The following KALRN variants were observed in gnomAD, a reference collection of about 807,000 sequenced individuals.
KALRN encodes kalirin RhoGEF kinase, also known as kalirin.
Under a neutral mutation model 353.7 loss-of-function variants are expected in KALRN, and 70 were observed. The ratio of observed to expected loss-of-function variants is 0.20; its 90% confidence interval spans 0.16 to 0.24. The LOEUF (loss-of-function observed/expected upper bound fraction) is 0.24, where lower values mean the gene tolerates loss of function less well. Among genes scored for constraint, KALRN ranks in the 10% least tolerant of loss-of-function variants. KALRN has a pLI of 1.00. For synonymous variants in KALRN, 1,391 were observed against 1,434.8 expected, an observed-to-expected ratio of 0.97 and a Z score of 0.69; for missense variants, 2,791 against 3,756.7, an observed-to-expected ratio of 0.74 and a Z score of 6.72.
chr3:124,246,213 C>T (rs1321646574), intron 3 of KALRN, among the ~76,000 whole-genome samples: 1 of 152,234 alleles, frequency 6.6e-6, no homozygotes, highest in East Asian at 1.9e-4. Context: ...TTTATTTGCT[C>T]ACCATTGCCC....
rs567895063 is a variant in KALRN at position 124,607,772 on chromosome 3, A to G, written c.5183-24648A>G. ...GTTGGGATTATAGACATGTACCACT[A>G]TGCCTGGCTAATTTTGTATTTTTAG... On this transcript the variant is annotated intron_variant, in intron 34 of 59. Coordinates refer to ENST00000682506, the MANE Select transcript of KALRN (RefSeq NM_001388419.1). Among the ~76,000 whole-genome samples the G allele has an allele frequency of 1.3e-4, 20 of 151,956 alleles. No homozygotes were observed. In the East Asian group the frequency reaches 3.5e-3, roughly 27 times the overall value.
intron 1 of KALRN, among the ~76,000 whole-genome samples, chr3:124,046,983 C>CTTTTT (rs201245508): frequency 6.8e-5 from 8 of 116,896 alleles, no homozygotes; most frequent in Middle Eastern, 4.7e-3. Context: ...GGAAATGTAT[C>CTTTTT]TTTTTTTTTT....
intron 18 of KALRN, among the ~76,000 whole-genome samples, chr3:124,441,411 A>G (rs983803677): frequency 2.0e-5 from 3 of 152,214 alleles, no homozygotes; most frequent in Admixed American, 6.5e-5. Context: ...CTTCACTTGA[A>G]AAAAGGAAAG....
intron 10 of KALRN, among the ~76,000 whole-genome samples, chr3:124,369,943 A>T (rs2085602344): frequency 6.6e-6 from 1 of 152,134 alleles, no homozygotes; most frequent in Non-Finnish European, 1.5e-5. Context: ...AAATGACAGG[A>T]TCTCCTTTTT....
At chr3:124,336,433 G>A (rs2081145420) in intron 9 of KALRN, among the ~76,000 whole-genome samples, 1 of 152,134 alleles carries the variant, frequency 6.6e-6, no homozygotes, top group African/African-American at 2.4e-5. Context: ...CTATTTCAGT[G>A]AACTCTCCAT....
chr3:124,147,809 T>C (rs1355504966), intron 1 of KALRN, among the ~76,000 whole-genome samples: 1 of 152,226 alleles, frequency 6.6e-6, no homozygotes, highest in Non-Finnish European at 1.5e-5. Context: ...TCTAAGGGAC[T>C]GTTGTGAGCT....
intron 33 of KALRN, among the ~76,000 whole-genome samples, chr3:124,548,542 G>A (rs566753040): frequency 6.6e-6 from 1 of 152,322 alleles, no homozygotes; most frequent in Admixed American, 6.5e-5. Flanking sequence ...GCAGGAAAAT[G>A]GGACAGAAGG....
At chr3:124,655,511 G>A (rs898787911) in intron 38 of KALRN, 90 bp from the exon 39 acceptor site, 29 of 972,120 alleles carry the variant, frequency 3.0e-5, no homozygotes, top group Non-Finnish European at 4.5e-5. Flanking sequence ...TTGTTATAAA[G>A]GTGCCAAAGT....
In KALRN at chr3:124,723,616, T is replaced by C. The variant is rs2063384592; in HGVS notation, c.*4146T>C. On this transcript the variant is annotated 3_prime_UTR_variant, in exon 60 of 60. Transcript: ENST00000682506. Reference sequence around the variant, plus strand: ...AACTCATGAGATTAAATTCTGTAAATTGTTTTCAGTTGGAAGTATCAGGTG... The same window carrying C: ...AACTCATGAGATTAAATTCTGTAAACTGTTTTCAGTTGGAAGTATCAGGTG... 1 of 152,226 alleles carries C rather than the reference T, an allele frequency of 6.6e-6. No homozygotes were observed. The highest frequency in any genetic ancestry group is 2.1e-4 in the South Asian group (1 of 4,830). The allele number at this position is 152,226 out of a possible 1,614,324, so 9.4% of individuals were successfully genotyped here. A position where few individuals can be genotyped will look rare whatever the true frequency, so the allele number is the denominator to read the frequency against.
intron 3 of KALRN, among the ~76,000 whole-genome samples, chr3:124,245,886 T>G (rs1181088333): frequency 1.3e-5 from 2 of 152,200 alleles, no homozygotes; most frequent in Non-Finnish European, 1.5e-5. Context: ...GAACCTTTTT[T>G]TAAAGCTGGT....
At chr3:124,122,866 A>C (rs1331620925) in intron 1 of KALRN, among the ~76,000 whole-genome samples, 1 of 152,200 alleles carries the variant, frequency 6.6e-6, no homozygotes, top group African/African-American at 2.4e-5. Context: ...ATGGTAAATC[A>C]AAAGCTAGAA....
chr3:124,687,151 G>A (rs1328534738), intron 51 of KALRN, among the ~76,000 whole-genome samples: 5 of 152,122 alleles, frequency 3.3e-5, no homozygotes, highest in Non-Finnish European at 5.9e-5. Flanking sequence ...TAGCTCCGAA[G>A]ACTCTGGGAA....
At chr3:124,128,066 C>T (rs1189613244) in intron 1 of KALRN, among the ~76,000 whole-genome samples, 1 of 152,094 alleles carries the variant, frequency 6.6e-6, no homozygotes, top group Non-Finnish European at 1.5e-5. Flanking sequence ...TTTTGCCTTT[C>T]TTCAATCATG....
intron 34 of KALRN, among the ~76,000 whole-genome samples, chr3:124,622,908 C>T (rs1391222526): frequency 6.7e-6 from 1 of 148,226 alleles, no homozygotes; most frequent in African/African-American, 2.6e-5. Flanking sequence ...AAATTTTACA[C>T]TAAACCAGAA....
Position 124,493,089 on chromosome 3 carries a change from T to C in KALRN, c.4832+207T>C, listed in dbSNP as rs74966518. Among the ~76,000 whole-genome samples, 53 of 152,308 alleles carry C rather than the reference T, an allele frequency of 3.5e-4. 1 individual carries two copies. In the East Asian group the frequency reaches 0.01, roughly 29 times the overall value. On this transcript the variant is annotated intron_variant, in intron 32 of 59. Transcript: ENST00000682506. ...AGGGCTTCATTGAGCACCTCTTATA[T>C]GATAAACACTCTGCTAGGTTCTACA...
At chr3:124,045,140 C>T (rs913691625) in intron 1 of KALRN, among the ~76,000 whole-genome samples, 2 of 151,840 alleles carry the variant, frequency 1.3e-5, no homozygotes, top group African/African-American at 4.8e-5. Flanking sequence ...GAAGGGGACC[C>T]GGGAGACTGG....
At chr3:124,276,092 G>C (rs539843556) in intron 5 of KALRN, among the ~76,000 whole-genome samples, 1 of 152,194 alleles carries the variant, frequency 6.6e-6, no homozygotes, top group Non-Finnish European at 1.5e-5. Flanking sequence ...GAGCATATTT[G>C]TCTTATTCCC....
chr3:124,503,975 G>T (rs2064917783), intron 33 of KALRN, among the ~76,000 whole-genome samples: 1 of 152,144 alleles, frequency 6.6e-6, no homozygotes, highest in African/African-American at 2.4e-5. Context: ...CCAATCGTCT[G>T]CAAAAGCAAG....
chr3:124,683,928 T>A (rs1487009096), intron 51 of KALRN, among the ~76,000 whole-genome samples: 5 of 152,350 alleles, frequency 3.3e-5, no homozygotes, highest in Middle Eastern at 3.4e-3. Flanking sequence ...TTAGTTAACC[T>A]CTTCATTTAT....
Sources: gnomAD v4.1 joint callset for allele counts (sites outside exome capture counted in the v4.1 genomes callset) on GRCh38, gnomAD v4.1.1 for gene constraint, MANE v1.5 for transcripts, NCBI Gene and HGNC (gene_info 2026-07-23, HGNC 2026-07-21) for gene names.